Variants in TTN observed in about 807,000 individuals in gnomAD.
TTN encodes the protein connectin.
In TTN, 1,525 loss-of-function variants were observed where a neutral mutation model predicts 3,223.0. That is an observed-to-expected ratio of 0.47 (90% CI 0.45 to 0.49). The LOEUF (loss-of-function observed/expected upper bound fraction) is 0.49, where lower values mean the gene tolerates loss of function less well. Among genes scored for constraint, TTN ranks in the 20% least tolerant of loss-of-function variants. The probability of loss-of-function intolerance (pLI) is 0.00; values close to 1 mark genes in which losing one functional copy is unlikely to be tolerated. For synonymous variants in TTN, 14,094 were observed against 15,161.0 expected (o/e 0.93, Z 5.17); for missense variants, 40,786 against 43,424.0 (o/e 0.94, Z 5.40).
chr2:178,795,516 A>T (rs1447461373), intron 6 of TTN, among the ~76,000 whole-genome samples: 1 of 117,358 alleles, frequency 8.5e-6, no homozygotes, highest in Non-Finnish European at 1.6e-5. Context: ...TTCTCACATT[A>T]AAAAAAAAAA....
At position 178,558,556 on chromosome 2, in the gene TTN, T is replaced by G. The variant is rs754679595; in HGVS notation, c.86903A>C (p.His28968Pro). 2 of 1,613,716 alleles carry G rather than the reference T, an allele frequency of 1.2e-6. No individual in the cohort carries two copies. Among genetic ancestry groups the G allele is most frequent in the African/African-American group, 2.7e-5 (2 of 74,942 alleles). The change falls in exon 327 of 363, where the codon CAT (histidine) becomes CCT (proline). Residue 28968 changes from histidine (H) to proline (P), a missense_variant. By Grantham distance (77) the His-to-Pro change is moderately conservative (BLOSUM62 -2). Coordinates refer to ENST00000589042, the MANE Select transcript of TTN (RefSeq NM_001267550.2). Reference protein sequence around the residue: ...SVSLTWLKPEHDGGSRIVHYV... With the variant: ...SVSLTWLKPEPDGGSRIVHYV... ...GTGTACAATTCTGCTTCCGCCATCA[T>G]GTTCAGGCTTCAGCCAGGTCAGGGA...
intron 146 of TTN, 47 bp from the exon 147 acceptor site, chr2:178,677,334 T>TTATA: frequency 2.9e-6 from 1 of 341,502 alleles, no homozygotes; most frequent in Non-Finnish European, 3.6e-6. Flanking sequence ...ATATACATGG[T>TTATA]CATATATATA....
intron 233 of TTN, 43 bp from the exon 234 acceptor site, chr2:178,633,087 A>T: frequency 1.2e-6 from 2 of 1,604,754 alleles, no homozygotes. Context: ...AACATCATTT[A>T]TATAGTTATT....
Position 178,756,741 on chromosome 2 carries a change from G to C in TTN, c.10735C>G (p.Gln3579Glu), listed in dbSNP as rs1394312809. The part of the protein sequence containing the change: ...GKDVRESTKS[Q>E]AVADSSFTKE... ...GTGAAAGAGGAATCTGCCACTGCCT[G>C]GGACTTGGTGGACTCTCTTACATCT... The change falls in exon 46 of 363, where the codon CAG becomes GAG. Residue 3579 changes from glutamine to glutamate, a missense_variant. Coordinates refer to ENST00000589042, the MANE Select transcript of TTN (RefSeq NM_001267550.2). 6.2e-7 allele frequency: 1 copy of C among 1,613,736 alleles called. No homozygotes were observed. The highest frequency in any genetic ancestry group is 1.1e-5 in the South Asian group (1 of 91,068).
chr2:178,721,600 AAAC>A (rs1480453973), intron 78 of TTN, among the ~76,000 whole-genome samples: 5 of 152,126 alleles, frequency 3.3e-5, no homozygotes, highest in Admixed American at 6.5e-5. Flanking sequence ...TAGATAGTTA[AAAC>A]AACATTTAAC....
In TTN at chr2:178,775,632, G is replaced by A. The variant is rs777863327; in HGVS notation, c.6232C>T (p.Pro2078Ser). 5.0e-6 allele frequency: 8 copies of A among 1,614,082 alleles called. No individual in the cohort carries two copies. Among genetic ancestry groups the A allele is most frequent in the South Asian group, 1.1e-5 (1 of 91,084 alleles). Residue 2078 changes from proline (P) to serine (S), a missense_variant, in exon 28 of 363, where the codon CCA becomes TCA. Coordinates refer to ENST00000589042, the MANE Select transcript of TTN (RefSeq NM_001267550.2). ...CTCTGGATTCTTTCGAAGATTTTTGGAGCCTCCATACTAGGACTTAGTTCA... is the reference window on the plus strand; with the variant it reads ...CTCTGGATTCTTTCGAAGATTTTTGAAGCCTCCATACTAGGACTTAGTTCA... ...KIELSPSMEAPKIFERIQSQT... is the reference protein window; with the variant it reads ...KIELSPSMEASKIFERIQSQT...
Position 178,704,342 on chromosome 2 carries a change from A to C in TTN, c.30028T>G (p.Cys10010Gly). ...TTTACATTTGGTACAGAAAATTGGC[A>C]TGTCATGGTGCAAGTCTGGCCTTCT... Reference protein sequence around the residue: ...LKEGQTCTMTCQFSVPNVKSE... With the variant: ...LKEGQTCTMTGQFSVPNVKSE... Residue 10010 changes from cysteine to glycine, a missense_variant, in exon 106 of 363, where the codon TGC (cysteine) becomes GGC (glycine). Transcript: ENST00000589042. 1 of 1,614,058 alleles carries C rather than the reference A, an allele frequency of 6.2e-7. No individual in the cohort carries two copies. The highest frequency in any genetic ancestry group is 8.5e-7 in the Non-Finnish European group (1 of 1,179,892).
chr2:178,794,567 C>T lies in TTN; in HGVS notation c.1246-16G>A, dbSNP rs72647847. The T allele has an allele frequency of 1.2e-3, 1,907 of 1,614,060 alleles. 19 individuals are homozygous for T. In the Middle Eastern group the frequency reaches 0.013, roughly 11 times the overall value. On this transcript the variant is annotated splice_polypyrimidine_tract_variant and intron_variant, in intron 7 of 362. Transcript: ENST00000589042. Reference sequence around the variant, plus strand: ...CTTGTTTCACCTAGATTAGAAATGACCAAGTAGATTACTTTTTTAAATGAC... The same window carrying T: ...CTTGTTTCACCTAGATTAGAAATGATCAAGTAGATTACTTTTTTAAATGAC...
At chr2:178,679,272 G>GCA in intron 142 of TTN, 67 bp downstream of exon 142, 7 of 1,526,120 alleles carry the variant, frequency 4.6e-6, no homozygotes, top group Non-Finnish European at 6.3e-6. Flanking sequence ...GATCTGCTAT[G>GCA]GCTCACCAAG....
In TTN at chr2:178,589,267, T is replaced by G; in HGVS notation, c.62458A>C (p.Ile20820Leu). 6.2e-7 allele frequency: 1 copy of G among 1,613,452 alleles called. No homozygotes were observed. Among genetic ancestry groups the G allele is most frequent in the Non-Finnish European group, 8.5e-7 (1 of 1,179,606 alleles). ...TTAGATGAATCAGCACGGGTATCAA[T>G]CTTGACCCTTGGTGATCTTGTTAAG... The part of the protein sequence containing the change: ...TDLTRSPRVK[I>L]DTRADSSKFS... The change falls in exon 304 of 363, where the codon ATT (isoleucine) becomes CTT (leucine). Residue 20820 changes from isoleucine to leucine, a missense_variant. Physicochemically the swap from Ile to Leu is conservative, Grantham distance 5. Transcript: ENST00000589042.
Position 178,689,598 on chromosome 2 carries a change from TGAA to T in TTN, c.31847-6_31847-4del. On this transcript the variant is annotated splice_polypyrimidine_tract_variant and splice_region_variant and intron_variant, in intron 122 of 362. Coordinates refer to ENST00000589042, the MANE Select transcript of TTN (RefSeq NM_001267550.2). ...AACTCCCTTCTGTACTTCAGGAACT[TGAA>T]GAGACATTTTTAGAATTGACTTTAT... The T allele has an allele frequency of 6.3e-7, 1 of 1,590,112 alleles. No homozygotes were observed. Among genetic ancestry groups the T allele is most frequent in the African/African-American group, 1.4e-5 (1 of 73,544 alleles).
chr2:178,726,043 G>A lies in TTN; in HGVS notation c.20279C>T (p.Pro6760Leu). Reference sequence around the variant, plus strand: ...AGGAGGGAAGCTGCTAAAAACAGGTGGCTCTGCAAAAAACAAGAATTTCTC... The same window carrying A: ...AGGAGGGAAGCTGCTAAAAACAGGTAGCTCTGCAAAAAACAAGAATTTCTC... ...SCSTKVIVKEPPVFSSFPPIV... is the reference protein window; with the variant it reads ...SCSTKVIVKELPVFSSFPPIV... Residue 6760 changes from proline to leucine, a missense_variant, in exon 70 of 363, where the codon CCA (proline) becomes CTA (leucine). Pro to Leu is a moderately conservative substitution (Grantham distance 98). Coordinates refer to ENST00000589042, the MANE Select transcript of TTN (RefSeq NM_001267550.2). 1 of 1,503,592 alleles carries A rather than the reference G, an allele frequency of 6.7e-7. No individual in the cohort carries two copies. The highest frequency in any genetic ancestry group is 1.4e-5 in the South Asian group (1 of 71,718). 93.1% of individuals were successfully genotyped at this position (1,503,592 alleles called of 1,614,324 possible).
rs749151809 is a variant in TTN, at chr2:178,776,213, C to T, written c.5651G>A (p.Ser1884Asn). The change falls in exon 28 of 363, where the codon AGC becomes AAC. Residue 1884 changes from serine (S) to asparagine (N), a missense_variant. Transcript: ENST00000589042. ...WYLNGQLIRKSKRFRVRYDGI... is the reference protein window; with the variant it reads ...WYLNGQLIRKNKRFRVRYDGI... ...ATCATAGCGAACTCTGAACCTTTTGCTTTTGCGGATGAGCTGTCCATTGAG... is the reference window on the plus strand; with the variant it reads ...ATCATAGCGAACTCTGAACCTTTTGTTTTTGCGGATGAGCTGTCCATTGAG... 3.7e-6 allele frequency: 6 copies of T among 1,614,138 alleles called. No homozygotes were observed. In the South Asian group the frequency reaches 5.5e-5, roughly 15 times the overall value.
At position 178,725,536 on chromosome 2, in the gene TTN, C is replaced by T; in HGVS notation, c.20668G>A (p.Glu6890Lys). 6.2e-7 allele frequency: 1 copy of T among 1,613,196 alleles called. No homozygotes were observed. The highest frequency in any genetic ancestry group is 8.5e-7 in the Non-Finnish European group (1 of 1,179,468). The stretch of plus-strand genomic sequence containing the variant: ...CTTTCTCTAATCACTTCTTCCTTCT[C>T]TTTAAGCCACTGGACAAAAATAGGC... ...AQPIFVQWLK[E>K]KEEVIRESEN... The change falls in exon 71 of 363, where the codon GAG becomes AAG. Residue 6890 changes from glutamate to lysine, a missense_variant. Glu to Lys is a moderately conservative substitution (Grantham distance 56). Transcript: ENST00000589042.
rs139486133 is a variant in TTN at position 178,748,322 on chromosome 2, A to G, written c.11311+4802T>C. 1,198 of 1,612,972 alleles carry G rather than the reference A, an allele frequency of 7.4e-4. 1 individual carries two copies. Among genetic ancestry groups the G allele is most frequent in the Non-Finnish European group, 9.7e-4 (1,140 of 1,179,426 alleles). On this transcript the variant is annotated intron_variant, in intron 47 of 362. Coordinates refer to ENST00000589042, the MANE Select transcript of TTN (RefSeq NM_001267550.2). ...TTCTAAAGAAATGGAATTTTCATCA[A>G]TACTACTTTTCTCCACCATAGTTCT...
At chr2:178,680,465 A>G in intron 138 of TTN, 134 bp from the exon 139 acceptor site, 4 of 751,970 alleles carry the variant, frequency 5.3e-6, no homozygotes, top group South Asian at 3.3e-5. Context: ...GTTCATCTTT[A>G]AGAAACTATA....
rs377203669 is a variant in TTN at position 178,589,002 on chromosome 2, C to T, written c.62723G>A (p.Arg20908Gln). ...NYILEKCETKRMVWSTYSATV... is the reference protein window; with the variant it reads ...NYILEKCETKQMVWSTYSATV... ...AGCAGAATAGGTAGACCAAACCATT[C>T]GCTTTGTCTCACATTTTTCTAGAAT... The change falls in exon 304 of 363, where the codon CGA becomes CAA. Residue 20908 changes from arginine to glutamine, a missense_variant. By Grantham distance (43) the Arg-to-Gln change is conservative. Coordinates refer to ENST00000589042, the MANE Select transcript of TTN (RefSeq NM_001267550.2). The T allele has an allele frequency of 3.7e-5, 59 of 1,611,324 alleles. No homozygotes were observed. In the East Asian group the frequency reaches 4.0e-4, roughly 11 times the overall value.
Position 178,542,916 on chromosome 2 carries a change from T to A in TTN, c.96938A>T (p.Gln32313Leu). 1 of 1,611,582 alleles carries A rather than the reference T, an allele frequency of 6.2e-7. No homozygotes were observed. Residue 32313 changes from glutamine (Q) to leucine (L), a missense_variant, in exon 348 of 363, where the codon CAG (glutamine) becomes CTG (leucine). Gln to Leu is a moderately radical substitution (Grantham distance 113). Transcript: ENST00000589042. ...GCCAGCTGGGACATGGATGGTCTTC[T>A]GAGGCATTGTAGAAAGATCGATTGT... ...LPTIDLSTMP[Q>L]KTIHVPAGRP...
intron 47 of TTN, chr2:178,751,929 T>C (rs1286528064): frequency 1.9e-6 from 3 of 1,589,154 alleles, no homozygotes; most frequent in African/African-American, 2.7e-5. Context: ...GATGATATTC[T>C]ACTTGCATAT....
Sources: gnomAD v4.1 joint callset for allele counts (sites outside exome capture counted in the v4.1 genomes callset) on GRCh38, gnomAD v4.1.1 for gene constraint, MANE v1.5 for transcripts, NCBI Gene and HGNC (gene_info 2026-07-23, HGNC 2026-07-21) for gene names.